The following MVP variants were observed in gnomAD, a reference collection of about 807,000 sequenced individuals.
MVP encodes the protein major vault protein.
Under a neutral mutation model 83.5 loss-of-function variants are expected in MVP, and 62 were observed. The observed-to-expected ratio is 0.74, with a 90% CI of 0.61 to 0.92. MVP has a LOEUF of 0.92. Ranked by LOEUF, MVP falls within the 40% of genes least tolerant of loss-of-function variation. The pLI is 0.00. For missense variants in MVP, 1,000 were observed against 1,203.4 expected (o/e 0.83, Z 2.50); for synonymous variants, 505 against 504.1 (o/e 1.00, Z -0.02).
chr16:29,821,488 C>G (rs1276230799), intron 1 of MVP: 1 of 152,400 alleles, frequency 6.6e-6, no homozygotes, highest in Non-Finnish European at 1.5e-5. Flanking sequence ...CTCCCAGGTT[C>G]TGGGGGAGCA....
intron 1 of MVP, chr16:29,820,826 C>T (rs1432359858): frequency 6.6e-6 from 1 of 152,242 alleles, no homozygotes; most frequent in Non-Finnish European, 1.5e-5. Flanking sequence ...GGGAACCTTA[C>T]AGGGTCATTC....
Position 29,847,985 on chromosome 16 carries a change from G to A in MVP, c.2678G>A (p.Arg893His), listed in dbSNP as rs753554076. The A allele has an allele frequency of 9.3e-6, 15 of 1,605,638 alleles. No homozygotes were observed. The highest frequency in any genetic ancestry group is 1.7e-4 in the Middle Eastern group (1 of 6,014). The change falls in exon 15 of 15, where the codon CGC becomes CAC. Residue 893 changes from arginine (R) to histidine (H), a missense_variant. Coordinates refer to ENST00000357402, the MANE Select transcript of MVP (RefSeq NM_005115.5). ...PGDNHVVPVL[R>H] Reference sequence around the variant, plus strand: ...GACAACCACGTGGTGCCTGTACTGCGCTAACTCCTGATTAATACAATGGAA... The same window carrying A: ...GACAACCACGTGGTGCCTGTACTGCACTAACTCCTGATTAATACAATGGAA...
At chr16:29,828,668 C>T (rs1374193796) in intron 1 of MVP, among the ~76,000 whole-genome samples, 1 of 152,210 alleles carries the variant, frequency 6.6e-6, no homozygotes, top group African/African-American at 2.4e-5. Flanking sequence ...GCTTGAGCCA[C>T]CACGCCCGGC....
chr16:29,836,492 G>A (rs2067487857), intron 6 of MVP, among the ~76,000 whole-genome samples: 3 of 151,572 alleles, frequency 2.0e-5, no homozygotes, highest in Non-Finnish European at 1.5e-5. Flanking sequence ...CAGGAGAATC[G>A]CTTGAACCTA....
rs61338952 is a variant in MVP at position 29,824,211 on chromosome 16, C to CAAAAAAA, written c.-36+3725_-36+3731dup. Among the ~76,000 whole-genome samples, 25 of 39,668 alleles carry CAAAAAAA rather than the reference C, an allele frequency of 6.3e-4. 1 individual carries two copies. Among genetic ancestry groups the CAAAAAAA allele is most frequent in the South Asian group, 1.6e-3 (1 of 618 alleles). 26.0% of individuals were successfully genotyped at this position (39,668 alleles called of 152,430 possible). The stretch of plus-strand genomic sequence containing the variant: ...GGGCAACAAGCACGAAACTCCATCT[C>CAAAAAAA]AAAAAAAAAAAAAAAAAAAAAAAAA... On this transcript the variant is annotated intron_variant, in intron 1 of 14. Coordinates refer to ENST00000357402, the MANE Select transcript of MVP (RefSeq NM_005115.5).
chr16:29,820,538 C>T (rs1900349799), intron 1 of MVP, 28 bp downstream of exon 1: 1 of 152,364 alleles, frequency 6.6e-6, no homozygotes. Flanking sequence ...GCCCCCCAAA[C>T]CCCAAATCAG....
intron 14 of MVP, 120 bp downstream of exon 14, chr16:29,847,505 C>T (rs2067595512): frequency 9.7e-7 from 1 of 1,030,694 alleles, no homozygotes; most frequent in East Asian, 2.6e-5. Flanking sequence ...AGTGACCTGA[C>T]CCACGATGCA....
chr16:29,840,448 A>C lies in MVP; in HGVS notation c.1180A>C (p.Lys394Gln). Residue 394 changes from lysine to glutamine, a missense_variant, in exon 8 of 15, where the codon AAG becomes CAG. Transcript: ENST00000357402. The part of the protein sequence containing the change: ...ENEGIYVQDV[K>Q]TGKVRAVIGS... ...CGAGGGCATCTATGTGCAGGATGTC[A>C]AGACCGGAAAGGTAATGGCTGGGAG... 3 of 1,569,648 alleles carry C rather than the reference A, an allele frequency of 1.9e-6. No homozygotes were observed. Among genetic ancestry groups the C allele is most frequent in the Non-Finnish European group, 2.6e-6 (3 of 1,156,924 alleles).
chr16:29,822,699 C>T, intron 1 of MVP: 1 of 152,290 alleles, frequency 6.6e-6, no homozygotes, highest in Non-Finnish European at 1.5e-5. Context: ...ATTCCCTGCC[C>T]TTCACAGCCT....
Position 29,833,869 on chromosome 16 carries a change from T to G in MVP, c.445+13T>G, listed in dbSNP as rs535711365. On this transcript the variant is annotated intron_variant, in intron 4 of 14. Transcript: ENST00000357402. Reference sequence around the variant, plus strand: ...TTCGAGGGACCTGGTAAGTTCTGTCTCCATAGGGCTCCCTGCCTTCCTGTC... The same window carrying G: ...TTCGAGGGACCTGGTAAGTTCTGTCGCCATAGGGCTCCCTGCCTTCCTGTC... 3.3e-5 allele frequency: 53 copies of G among 1,613,928 alleles called. 1 individual carries two copies. In the South Asian group the frequency reaches 5.8e-4, roughly 18 times the overall value.
chr16:29,833,705 T>G (rs1210747787), intron 3 of MVP, 28 bp from the exon 4 acceptor site: 1 of 1,613,414 alleles, frequency 6.2e-7, no homozygotes, highest in Admixed American at 1.7e-5. Flanking sequence ...CACTGATGGT[T>G]CTGTGTCTCC....
chr16:29,833,930 CCCAGGCACGTACATCCCCCGG>C lies in MVP; in HGVS notation c.446-4_462del. ...TACCTTCTGACCATCACCTTCCCTC[CCCAGGCACGTACATCCCCCGG>C]AAGGAAGTGGAGGTCGTGGAGATCA... On this transcript the variant is annotated splice_acceptor_variant and splice_polypyrimidine_tract_variant and coding_sequence_variant and intron_variant, in exon 5 of 15. Coordinates refer to ENST00000357402, the MANE Select transcript of MVP (RefSeq NM_005115.5). LOFTEE classifies it high-confidence loss of function. 2 of 1,614,102 alleles carry C rather than the reference CCCAGGCACGTACATCCCCCGG, an allele frequency of 1.2e-6. No homozygotes were observed. The highest frequency in any genetic ancestry group is 3.3e-4 in the Middle Eastern group (2 of 6,062).
intron 14 of MVP, 144 bp downstream of exon 14, chr16:29,847,529 A>C: frequency 1.1e-6 from 1 of 900,956 alleles, no homozygotes; most frequent in East Asian, 2.6e-5. Flanking sequence ...ACATTCACAC[A>C]GTGTCACGCT....
At chr16:29,824,241 A>C (rs1246340402) in intron 1 of MVP, among the ~76,000 whole-genome samples, 4 of 147,180 alleles carry the variant, frequency 2.7e-5, no homozygotes, top group East Asian at 3.9e-4. Context: ...AAAAAAAAAA[A>C]CAGATTTCCA....
Position 29,835,711 on chromosome 16 carries a change from ATGGC to A in MVP, c.589_592del (p.Leu197SerfsTer4). 6.2e-7 allele frequency: 1 copy of A among 1,613,734 alleles called. No homozygotes were observed. Among genetic ancestry groups the A allele is most frequent in the Non-Finnish European group, 8.5e-7 (1 of 1,179,898 alleles). On this transcript the variant is annotated frameshift_variant, in exon 6 of 15. Transcript: ENST00000357402. LOFTEE classifies it high-confidence loss of function. ...CCTCCACTCTTGGCCCAGGGGAAGA[ATGGC>A]TGGTCACCACAGTAGGGGCGTACCT...
At chr16:29,822,399 C>T (rs1014148289) in intron 1 of MVP, 9 of 152,012 alleles carry the variant, frequency 5.9e-5, no homozygotes, top group East Asian at 1.9e-4. Context: ...ACCAGGAAGC[C>T]GCTGGGTGAA....
intron 1 of MVP, among the ~76,000 whole-genome samples, chr16:29,826,723 C>G (rs940500823): frequency 4.0e-5 from 6 of 150,932 alleles, no homozygotes; most frequent in African/African-American, 7.3e-5. Context: ...GAGATCAAGA[C>G]CATCCTGGTC....
chr16:29,834,098 G>T (rs2067466799), intron 5 of MVP, 32 bp downstream of exon 5: 1 of 1,605,864 alleles, frequency 6.2e-7, no homozygotes, highest in East Asian at 2.2e-5. Context: ...GATGGTGGGT[G>T]GGCAGGAGGG....
chr16:29,847,113 C>T, intron 13 of MVP, 84 bp from the exon 14 acceptor site: 1 of 1,441,714 alleles, frequency 6.9e-7, no homozygotes, highest in Non-Finnish European at 9.5e-7. Flanking sequence ...TCCTTTGAGC[C>T]AGGAGTTCAA....
Sources: allele counts gnomAD v4.1 joint callset (sites outside exome capture counted in the v4.1 genomes callset), GRCh38; gene constraint gnomAD v4.1.1; transcripts MANE v1.5; gene names NCBI Gene and HGNC (gene_info 2026-07-23, HGNC 2026-07-21).